Variants in BRCA1 observed in about 807,000 individuals in gnomAD.
The protein encoded by BRCA1 is breast cancer type 1 susceptibility protein.
A neutral mutation model predicts 173.7 loss-of-function variants in BRCA1; 140 were observed. The ratio of observed to expected loss-of-function variants is 0.81; its 90% CI spans 0.70 to 0.93. BRCA1 has a LOEUF of 0.93. Ranked by LOEUF, BRCA1 falls within the 40% of genes least tolerant of loss-of-function variation. The probability of loss-of-function intolerance (pLI) is 0.00; values close to 1 mark genes in which losing one functional copy is unlikely to be tolerated. For missense variants in BRCA1, 1,983 were observed against 2,172.5 expected (o/e 0.91, Z 1.73); for synonymous variants, 662 against 756.0 (o/e 0.88, Z 2.04).
chr17:43,129,854 A>AT (rs1426124533), upstream of BRCA1, among the ~76,000 whole-genome samples: 5 of 152,000 alleles, frequency 3.3e-5, no homozygotes, highest in African/African-American at 9.7e-5. Context: ...CATTTTCCTG[A>AT]TTTTTTGCCT....
At chr17:43,154,595 C>A (rs2056184543) in intron 1 of BRCA1, among the ~76,000 whole-genome samples, 1 of 152,004 alleles carries the variant, frequency 6.6e-6, no homozygotes, top group Admixed American at 6.6e-5. Context: ...TACATCACCC[C>A]AGTTCCCATC....
intron 1 of BRCA1, among the ~76,000 whole-genome samples, chr17:43,153,997 G>A (rs113579511): frequency 0.014 from 2,139 of 152,172 alleles, 39 homozygotes; most frequent in African/African-American, 0.049. Flanking sequence ...GATCATCCTG[G>A]ACAACATGGT....
intron 11 of BRCA1, chr17:43,082,838 T>C (rs2053083099): frequency 2.0e-6 from 1 of 488,862 alleles, no homozygotes; most frequent in Non-Finnish European, 3.7e-6. Flanking sequence ...CCTTTTGAAG[T>C]TGGTTATTTT....
Position 43,135,296 on chromosome 17 carries a change from C to A in BRCA1, c.-19-11181G>T, listed in dbSNP as rs546881436. ...GCCTGCAGGGAGCCACAGAGCGCAG[C>A]GGCCGGCCCAGCGTTCAAGCCCAAG... On this transcript the variant is annotated intron_variant, in intron 1 of 7. Coordinates refer to the BRCA1 transcript ENST00000634433. Among the ~76,000 whole-genome samples the A allele has an allele frequency of 2.9e-5, 4 of 135,988 alleles. No homozygotes were observed. The East Asian group carries it at 9.1e-4, about 31-fold the overall frequency. The allele number at this position is 135,988 out of a possible 152,430, so 89.2% of individuals were successfully genotyped here.
At chr17:43,142,950 A>ATATG (rs1228111182) in intron 1 of BRCA1, among the ~76,000 whole-genome samples, 12 of 134,858 alleles carry the variant, frequency 8.9e-5, no homozygotes, top group African/African-American at 2.7e-4. Flanking sequence ...GTATATATAT[A>ATATG]TGTGTGTGTG....
chr17:43,133,978 C>G (rs2055994277), intron 1 of BRCA1, among the ~76,000 whole-genome samples: 1 of 152,166 alleles, frequency 6.6e-6, no homozygotes, highest in Non-Finnish European at 1.5e-5. Context: ...TGGGTGTACC[C>G]TCCCCTGAGC....
Position 43,115,809 on chromosome 17 carries a change from A to G in BRCA1, c.81-30T>C, listed in dbSNP as rs746061260. 6 of 1,594,826 alleles carry G rather than the reference A, an allele frequency of 3.8e-6. No homozygotes were observed. The South Asian group carries it at 5.6e-5, about 15-fold the overall frequency. ...CAGGGTAGGGGGGGAGAAAAAGAAA[A>G]TAAATGAGGCTCAATAATTTATTTA... On this transcript the variant is annotated intron_variant, in intron 2 of 22. Transcript: ENST00000357654.
chr17:43,050,455 T>C (rs1461516087), intron 20 of BRCA1, among the ~76,000 whole-genome samples: 2 of 150,490 alleles, frequency 1.3e-5, no homozygotes, highest in African/African-American at 2.4e-5. Context: ...AAAAAAAAAA[T>C]ACAAAAAATT....
At chr17:43,082,350 A>G in intron 12 of BRCA1, 54 bp downstream of exon 12, 1 of 1,569,618 alleles carries the variant, frequency 6.4e-7, no homozygotes, top group South Asian at 1.1e-5. Flanking sequence ...AAGGAGATAA[A>G]GGGGAAGGAA....
intron 11 of BRCA1, among the ~76,000 whole-genome samples, chr17:43,084,144 C>A (rs1310582875): frequency 2.6e-5 from 4 of 152,072 alleles, no homozygotes; most frequent in African/African-American, 9.7e-5. Flanking sequence ...CATTCTTCTG[C>A]TTCAGCCTCC....
chr17:43,088,290 C>T (rs769678344), intron 11 of BRCA1, among the ~76,000 whole-genome samples: 43 of 152,256 alleles, frequency 2.8e-4, no homozygotes, highest in Non-Finnish European at 4.4e-4. Context: ...AATCTGCACT[C>T]ATCAAACAGT....
chr17:43,115,788 G>C lies in BRCA1; in HGVS notation c.81-9C>G, dbSNP rs80358127. The C allele has an allele frequency of 6.2e-7, 1 of 1,611,870 alleles. No individual in the cohort carries two copies. The highest frequency in any genetic ancestry group is 2.2e-5 in the East Asian group (1 of 44,848). On this transcript the variant is annotated splice_polypyrimidine_tract_variant and intron_variant, in intron 2 of 22. Coordinates refer to ENST00000357654, the MANE Select transcript of BRCA1 (RefSeq NM_007294.4). ...CCTTGATCAACTCCAGACTAGCAGG[G>C]TAGGGGGGGAGAAAAAGAAAATAAA...
chr17:43,114,879 T>C (rs1353389372), intron 3 of BRCA1, among the ~76,000 whole-genome samples: 2 of 152,160 alleles, frequency 1.3e-5, no homozygotes, highest in Admixed American at 1.3e-4. Context: ...CTCTACTTTT[T>C]CTGAAATTCT....
chr17:43,054,080 C>T lies in BRCA1; in HGVS notation c.5278-2963G>A, dbSNP rs78695654. On this transcript the variant is annotated intron_variant, in intron 19 of 22. Coordinates refer to ENST00000357654, the MANE Select transcript of BRCA1 (RefSeq NM_007294.4). Reference sequence around the variant, plus strand: ...TTTCAGAATGTCATTACTTTGACCACATACTTTCCATCATTGCTATTCTGC... The same window carrying T: ...TTTCAGAATGTCATTACTTTGACCATATACTTTCCATCATTGCTATTCTGC... Among the ~76,000 whole-genome samples, 2,174 of 152,270 alleles carry T rather than the reference C, an allele frequency of 0.014. 42 individuals are homozygous for T. The highest frequency in any genetic ancestry group is 0.049 in the African/African-American group (2,018 of 41,538).
At chr17:43,052,955 C>T (rs2051312609) in intron 19 of BRCA1, among the ~76,000 whole-genome samples, 1 of 151,106 alleles carries the variant, frequency 6.6e-6, no homozygotes, top group South Asian at 2.1e-4. Flanking sequence ...CGGCTCACTG[C>T]AACCTCCACC....
At chr17:43,084,610 A>G (rs899564894) in intron 11 of BRCA1, among the ~76,000 whole-genome samples, 10 of 152,208 alleles carry the variant, frequency 6.6e-5, no homozygotes, top group African/African-American at 2.4e-4. Flanking sequence ...CTTTACTAAA[A>G]ACAAGCCATC....
rs113210086 is a variant in BRCA1, at chr17:43,113,054, T to C, written c.134+2672A>G. Among the ~76,000 whole-genome samples, 712 of 152,248 alleles carry C rather than the reference T, an allele frequency of 4.7e-3. 10 individuals are homozygous for C. Among genetic ancestry groups the C allele is most frequent in the African/African-American group, 0.016 (655 of 41,542 alleles). On this transcript the variant is annotated intron_variant, in intron 3 of 22. Coordinates refer to ENST00000357654, the MANE Select transcript of BRCA1 (RefSeq NM_007294.4). ...CTGACCTCAGGTGATCCACCTGCCT[T>C]GGGCTCCAAAAGTGCTAGGATTAGA...
At chr17:43,127,885 G>C (rs373029551), upstream of BRCA1, among the ~76,000 whole-genome samples, 1 of 151,936 alleles carries the variant, frequency 6.6e-6, no homozygotes, top group African/African-American at 2.4e-5. Flanking sequence ...TTAGCTGGGT[G>C]CGGTGGTGGG....
intron 1 of BRCA1, among the ~76,000 whole-genome samples, chr17:43,149,108 T>C (rs28576865): frequency 1.3e-5 from 2 of 151,418 alleles, no homozygotes; most frequent in Admixed American, 6.6e-5. Flanking sequence ...TTTACTTTTT[T>C]TCCCCCCCGA....
Sources: gnomAD v4.1 joint callset for allele counts (sites outside exome capture counted in the v4.1 genomes callset) on GRCh38, gnomAD v4.1.1 for gene constraint, MANE v1.5 for transcripts, NCBI Gene and HGNC (gene_info 2026-07-23, HGNC 2026-07-21) for gene names.